The following FHIT variants were observed in gnomAD, a reference collection of about 807,000 sequenced individuals.
FHIT encodes bis(5'-adenosyl)-triphosphatase.
Under a neutral mutation model 17.9 loss-of-function variants are expected in FHIT, and 19 were observed. That is an observed-to-expected ratio of 1.06 (90% CI 0.74 to 1.56). FHIT has a LOEUF of 1.56. Among genes scored for constraint, FHIT ranks in the 40% most tolerant of loss-of-function variants. FHIT has a pLI of 0.00. For synonymous variants in FHIT, 81 were observed against 69.7 expected, an observed-to-expected ratio of 1.16 and a Z score of -0.81; for missense variants, 248 against 189.2, an observed-to-expected ratio of 1.31 and a Z score of -1.82.
At chr3:60,608,921 G>A (rs1264855844) in intron 4 of FHIT, among the ~76,000 whole-genome samples, 2 of 151,680 alleles carry the variant, frequency 1.3e-5, no homozygotes, top group African/African-American at 2.4e-5. Flanking sequence ...TACTTAAAAC[G>A]GTGGCAGAGT....
At chr3:60,596,779 T>C (rs2038285223) in intron 4 of FHIT, among the ~76,000 whole-genome samples, 3 of 152,152 alleles carry the variant, frequency 2.0e-5, no homozygotes. Flanking sequence ...ATGATAATAC[T>C]TTCTATCTCA....
At chr3:60,230,770 G>A (rs1038174487) in intron 5 of FHIT, among the ~76,000 whole-genome samples, 1 of 152,188 alleles carries the variant, frequency 6.6e-6, no homozygotes, top group Non-Finnish European at 1.5e-5. Context: ...GATTGCAGTG[G>A]CATGATCTTG....
intron 5 of FHIT, among the ~76,000 whole-genome samples, chr3:60,208,899 A>G (rs1249484041): frequency 1.3e-5 from 2 of 152,188 alleles, no homozygotes; most frequent in Non-Finnish European, 2.9e-5. Context: ...TTTGATAAAT[A>G]TCAAGAGAAC....
chr3:60,213,678 C>T (rs1703562208), intron 5 of FHIT, among the ~76,000 whole-genome samples: 2 of 152,280 alleles, frequency 1.3e-5, no homozygotes, highest in South Asian at 4.2e-4. Flanking sequence ...TAAATATATG[C>T]CCCATAATTA....
At chr3:60,002,683 G>A (rs770428022) in intron 7 of FHIT, among the ~76,000 whole-genome samples, 1 of 152,054 alleles carries the variant, frequency 6.6e-6, no homozygotes, top group Non-Finnish European at 1.5e-5. Flanking sequence ...CATTAAGCTG[G>A]TTTCCATCTG....
intron 5 of FHIT, among the ~76,000 whole-genome samples, chr3:60,049,767 A>G (rs1472583615): frequency 6.6e-6 from 1 of 152,212 alleles, no homozygotes; most frequent in Non-Finnish European, 1.5e-5. Context: ...TGTGGTTCAC[A>G]TTATACTTCT....
chr3:60,597,219 A>AT (rs782595971), intron 4 of FHIT, among the ~76,000 whole-genome samples: 6 of 152,200 alleles, frequency 3.9e-5, no homozygotes, highest in East Asian at 3.9e-4. Flanking sequence ...GGGAGAAGAG[A>AT]TTTTTTTCAA....
At chr3:60,551,819 T>A (rs185078920) in intron 4 of FHIT, among the ~76,000 whole-genome samples, 5 of 151,572 alleles carry the variant, frequency 3.3e-5, no homozygotes, top group Admixed American at 3.3e-4. Context: ...TATTTTTCTG[T>A]TAAGACTTTT....
At chr3:60,040,666 T>C (rs1701401743) in intron 5 of FHIT, among the ~76,000 whole-genome samples, 1 of 152,146 alleles carries the variant, frequency 6.6e-6, no homozygotes, top group Non-Finnish European at 1.5e-5. Context: ...GCTAAGCCTG[T>C]ATCATAAAGA....
At chr3:60,746,825 C>T (rs540562932) in intron 4 of FHIT, among the ~76,000 whole-genome samples, 6 of 152,188 alleles carry the variant, frequency 3.9e-5, no homozygotes, top group East Asian at 3.9e-4. Flanking sequence ...TATGGCTCTC[C>T]GTTTTAGTAT....
chr3:60,816,325 A>G (rs1396174090), intron 4 of FHIT, among the ~76,000 whole-genome samples: 3 of 152,088 alleles, frequency 2.0e-5, no homozygotes, highest in Non-Finnish European at 4.4e-5. Flanking sequence ...TCCAGTTCGC[A>G]AGGGTAATGC....
rs764265385 is a variant in FHIT at position 61,146,022 on chromosome 3, T to C, written c.-164+54595A>G. Among the ~76,000 whole-genome samples the C allele has an allele frequency of 1.0e-3, 155 of 152,162 alleles. 2 individuals carry two copies. The highest frequency in any genetic ancestry group is 3.4e-3 in the Middle Eastern group (1 of 294). ...CACAATTATCCACAATATTGAGCAA[T>C]TAAATCCTGTCTGCCCTAAGCTCTC... is the stretch of plus-strand genomic sequence containing the variant. On this transcript the variant is annotated intron_variant, in intron 2 of 9. Transcript: ENST00000492590.
chr3:60,373,082 T>C (rs895143659), intron 5 of FHIT, among the ~76,000 whole-genome samples: 2 of 152,202 alleles, frequency 1.3e-5, no homozygotes, highest in African/African-American at 2.4e-5. Flanking sequence ...CCAGACAATA[T>C]TGGGTGATGG....
intron 5 of FHIT, among the ~76,000 whole-genome samples, chr3:60,376,142 T>C (rs1023577602): frequency 2.6e-5 from 4 of 152,202 alleles, no homozygotes; most frequent in Non-Finnish European, 5.9e-5. Context: ...ATTTGTTTAA[T>C]GTCCATCTTT....
intron 7 of FHIT, among the ~76,000 whole-genome samples, chr3:60,011,105 T>C (rs1700118122): frequency 6.6e-6 from 1 of 152,230 alleles, no homozygotes; most frequent in African/African-American, 2.4e-5. Flanking sequence ...TTGACTTATG[T>C]TTCCGGACTC....
intron 7 of FHIT, among the ~76,000 whole-genome samples, chr3:59,970,823 C>A (rs3772475): frequency 2.2e-5 from 3 of 137,088 alleles, no homozygotes; most frequent in Non-Finnish European, 3.2e-5. Context: ...AAAACCTGCA[C>A]GTCCCACTCC....
chr3:61,161,363 G>A (rs1560030720), intron 2 of FHIT, among the ~76,000 whole-genome samples: 2 of 151,838 alleles, frequency 1.3e-5, no homozygotes, highest in African/African-American at 2.4e-5. Context: ...CACCACGCCC[G>A]GCTCATTTTT....
chr3:60,262,193 T>A (rs1706338109), intron 5 of FHIT, among the ~76,000 whole-genome samples: 1 of 152,052 alleles, frequency 6.6e-6, no homozygotes, highest in Admixed American at 6.6e-5. Context: ...CCCTACAGCA[T>A]CTATGAAGAT....
At chr3:59,981,411 C>T (rs556663717) in intron 7 of FHIT, among the ~76,000 whole-genome samples, 46 of 152,244 alleles carry the variant, frequency 3.0e-4, no homozygotes, top group African/African-American at 9.9e-4. Context: ...TGGGCCATTG[C>T]TTCTGTGACA....
Sources: gnomAD v4.1 joint callset for allele counts (sites outside exome capture counted in the v4.1 genomes callset) on GRCh38, gnomAD v4.1.1 for gene constraint, MANE v1.5 for transcripts, NCBI Gene and HGNC (gene_info 2026-07-23, HGNC 2026-07-21) for gene names.